Variants in GNAT2 observed in about 807,000 individuals in gnomAD.
GNAT2 encodes the protein G protein subunit alpha transducin 2.
A neutral mutation model predicts 40.9 loss-of-function variants in GNAT2; 32 were observed. That is an observed-to-expected ratio of 0.78 (90% CI 0.59 to 1.05). GNAT2 has a LOEUF of 1.05. Ranked by LOEUF, GNAT2 falls within the 50% of genes least tolerant of loss-of-function variation. The pLI, the probability that GNAT2 is intolerant of heterozygous loss-of-function variation, is 0.00. For missense variants in GNAT2, 355 were observed against 431.5 expected (o/e 0.82, Z 1.57); for synonymous variants, 141 against 157.2 (o/e 0.90, Z 0.77).
chr1:109,614,845 T>G (rs1428275795), intron 1 of GNAT2: 1 of 152,252 alleles, frequency 6.6e-6, no homozygotes, highest in Non-Finnish European at 1.5e-5. Context: ...CTGAGGTGCT[T>G]TCCATGGTAG....
chr1:109,603,554 C>T lies in GNAT2; in HGVS notation c.875-10G>A, dbSNP rs1444399839. The T allele has an allele frequency of 6.3e-7, 1 of 1,581,664 alleles. No individual in the cohort carries two copies. Among genetic ancestry groups the T allele is most frequent in the Non-Finnish European group, 8.7e-7 (1 of 1,150,824 alleles). ...TCATAGGAGTTGTTACCTGGTTTTC[C>T]AGAAAAATAGTGAAAAAGTAGAATA... On this transcript the variant is annotated splice_polypyrimidine_tract_variant and intron_variant, in intron 8 of 8. Transcript: ENST00000679935.
chr1:109,603,510 T>C lies in GNAT2; in HGVS notation c.909A>G (p.Ile303Met), dbSNP rs1309275044. The change falls in exon 9 of 9, where the codon ATA becomes ATG. Residue 303 changes from isoleucine to methionine, a missense_variant. By Grantham distance (10) the Ile-to-Met change is conservative. Coordinates refer to ENST00000679935, the MANE Select transcript of GNAT2 (RefSeq NM_001377295.2). Reference protein sequence around the residue: ...NNSYDDAGNYIKSQFLDLNMR... With the variant: ...NNSYDDAGNYMKSQFLDLNMR... ...TATTGAGGTCAAGGAACTGGCTCTT[T>C]ATGTAATTCCCCGCATCATCATAGG... 7.4e-6 allele frequency: 12 copies of C among 1,611,722 alleles called. No homozygotes were observed. The highest frequency in any genetic ancestry group is 9.3e-6 in the Non-Finnish European group (11 of 1,177,786).
At chr1:109,609,926 T>G in intron 4 of GNAT2, 114 bp downstream of exon 4, 3 of 1,049,716 alleles carry the variant, frequency 2.9e-6, no homozygotes, top group Non-Finnish European at 4.4e-6. Context: ...GCAGGTGGGA[T>G]TTTAGTTACT....
At chr1:109,609,933 T>TA in intron 4 of GNAT2, 107 bp downstream of exon 4, 1 of 1,123,378 alleles carries the variant, frequency 8.9e-7, no homozygotes, top group Non-Finnish European at 1.3e-6. Context: ...GGATTTTAGT[T>TA]ACTATTTTTC....
Position 109,605,962 on chromosome 1 carries a change from C to A in GNAT2, c.720+8G>T, listed in dbSNP as rs566052246. On this transcript the variant is annotated splice_region_variant and intron_variant, in intron 7 of 8. Coordinates refer to ENST00000679935, the MANE Select transcript of GNAT2 (RefSeq NM_001377295.2). ...CTACCAAAGCTGCTTGATGCAAAGG[C>A]CACTCACCACTTCGTCATCTTCCAC... is the stretch of plus-strand genomic sequence containing the variant. The A allele has an allele frequency of 1.2e-6, 2 of 1,612,934 alleles. No homozygotes were observed. The highest frequency in any genetic ancestry group is 1.7e-6 in the Non-Finnish European group (2 of 1,179,312).
intron 1 of GNAT2, chr1:109,614,163 C>A (rs777230442): frequency 3.3e-5 from 5 of 152,222 alleles, no homozygotes; most frequent in Admixed American, 6.5e-5. Context: ...CATGCAGAAT[C>A]TCAGGCTTTA....
At chr1:109,609,588 C>A in intron 4 of GNAT2, 2 of 287,150 alleles carry the variant, frequency 7.0e-6, no homozygotes, top group Non-Finnish European at 6.8e-6. Flanking sequence ...GCCATGATCA[C>A]ACCACTGCAT....
rs746796374 is a variant in GNAT2, at chr1:109,612,914, G to T, written c.-44C>A. 9 of 1,262,348 alleles carry T rather than the reference G, an allele frequency of 7.1e-6. No individual in the cohort carries two copies. Among genetic ancestry groups the T allele is most frequent in the Non-Finnish European group, 1.0e-5 (9 of 861,212 alleles). 78.2% of individuals were successfully genotyped at this position (1,262,348 alleles called of 1,614,324 possible). On this transcript the variant is annotated 5_prime_UTR_variant, in exon 2 of 9. Coordinates refer to ENST00000679935, the MANE Select transcript of GNAT2 (RefSeq NM_001377295.2). ...TTTTTCAGGCCCCTAATCCTCTCTC[G>T]TAAGGTTTCCTGTATGTGAGATGGA...
At chr1:109,610,575 G>T in intron 2 of GNAT2, 68 bp from the exon 3 acceptor site, 1 of 1,366,908 alleles carries the variant, frequency 7.3e-7, no homozygotes, top group Non-Finnish European at 1.0e-6. Flanking sequence ...AGATGGCCTG[G>T]GAGAAGTCAG....
At chr1:109,609,548 C>G (rs1024652726) in intron 4 of GNAT2, 1 of 218,822 alleles carries the variant, frequency 4.6e-6, no homozygotes, top group African/African-American at 2.3e-5. Flanking sequence ...GGGAGAATCA[C>G]TTAAGCCTGG....
In GNAT2 at chr1:109,619,156, C is replaced by G. The variant is rs113719631; in HGVS notation, c.-54+327G>C. Among the ~76,000 whole-genome samples, 1,253 of 152,300 alleles carry G rather than the reference C, an allele frequency of 8.2e-3. 12 individuals carry two copies. Among genetic ancestry groups the G allele is most frequent in the African/African-American group, 0.028 (1,167 of 41,544 alleles). ...CCCAGAACGGCTGCAAGTGAATCAA[C>G]CTGTGAGTGTCAATAGAGAACCAAG... On this transcript the variant is annotated intron_variant, in intron 1 of 8. Coordinates refer to ENST00000679935, the MANE Select transcript of GNAT2 (RefSeq NM_001377295.2).
At position 109,609,217 on chromosome 1, in the gene GNAT2, A is replaced by G. The variant is rs138556008; in HGVS notation, c.304-429T>C. ...TGAAAGCTAGAAAAAGTCCAGTACT[A>G]GAAGTAGGGATTTCACTTACAAAAG... is the stretch of plus-strand genomic sequence containing the variant. On this transcript the variant is annotated intron_variant, in intron 4 of 8. Transcript: ENST00000679935. 1.3e-4 allele frequency: 27 copies of G among 213,612 alleles called. No homozygotes were observed. In the East Asian group the frequency reaches 2.7e-3, roughly 21 times the overall value. The allele number at this position is 213,612 out of a possible 1,614,324, so 13.2% of individuals were successfully genotyped here.
At chr1:109,613,261 A>C (rs1402755313) in intron 1 of GNAT2, 2 of 300,814 alleles carry the variant, frequency 6.6e-6, no homozygotes, top group African/African-American at 4.3e-5. Flanking sequence ...TAAGGGGTTC[A>C]TCCCCTGAAA....
At chr1:109,609,829 A>G (rs887238876) in intron 4 of GNAT2, 1 of 581,864 alleles carries the variant, frequency 1.7e-6, no homozygotes, top group African/African-American at 1.9e-5. Context: ...TTAGAAAGGT[A>G]CCGTCTACCT....
Position 109,605,791 on chromosome 1 carries a change from C to G in GNAT2, c.720+179G>C. 3 of 623,452 alleles carry G rather than the reference C, an allele frequency of 4.8e-6. No individual in the cohort carries two copies. The South Asian group carries it at 5.0e-5, about 10-fold the overall frequency. The allele number at this position is 623,452 out of a possible 1,614,324, so 38.6% of individuals were successfully genotyped here. A position where few individuals can be genotyped will look rare whatever the true frequency, so the allele number is the denominator to read the frequency against. On this transcript the variant is annotated intron_variant, in intron 7 of 8. Coordinates refer to ENST00000679935, the MANE Select transcript of GNAT2 (RefSeq NM_001377295.2). ...AAATTTGGAGCTCTAAAATGCTAAT[C>G]TAGAACCTGCAGAAGAAGTTGTTTT...
intron 8 of GNAT2, 103 bp downstream of exon 8, chr1:109,603,848 G>A (rs1287144989): frequency 2.4e-5 from 21 of 887,566 alleles, no homozygotes; most frequent in Non-Finnish European, 3.4e-5. Flanking sequence ...CTGTGCCCAA[G>A]GTTCTCCCTT....
chr1:109,604,176 TC>T (rs2101122135), intron 7 of GNAT2, 72 bp from the exon 8 acceptor site: 1 of 1,224,840 alleles, frequency 8.2e-7, no homozygotes, highest in East Asian at 2.3e-5. Flanking sequence ...CTGCTCTTGT[TC>T]CCCTTGGAGA....
chr1:109,609,740 C>T (rs1213544019), intron 4 of GNAT2: 1 of 410,696 alleles, frequency 2.4e-6, no homozygotes, highest in East Asian at 5.4e-5. Flanking sequence ...AATGCAGTCT[C>T]TGCTATTTAT....
intron 7 of GNAT2, 128 bp from the exon 8 acceptor site, chr1:109,604,232 C>G: frequency 1.3e-6 from 1 of 745,978 alleles, no homozygotes; most frequent in Non-Finnish European, 2.4e-6. Flanking sequence ...AACAGCTTAT[C>G]TCAATGTACC....
Sources: gnomAD v4.1 joint callset for allele counts (sites outside exome capture counted in the v4.1 genomes callset) on GRCh38, gnomAD v4.1.1 for gene constraint, MANE v1.5 for transcripts, NCBI Gene and HGNC (gene_info 2026-07-23, HGNC 2026-07-21) for gene names.